The following RGS6 variants were observed in gnomAD, a reference collection of about 807,000 sequenced individuals.
RGS6 encodes the protein regulator of G protein signaling 6.
Under a neutral mutation model 78.5 loss-of-function variants are expected in RGS6, and 30 were observed. The observed-to-expected ratio is 0.38, with a 90% confidence interval of 0.29 to 0.52. The LOEUF (loss-of-function observed/expected upper bound fraction) is 0.52. RGS6 is among the 20% of genes least tolerant of loss of function. RGS6 has a pLI of 0.85. For missense variants in RGS6, 495 were observed against 609.7 expected (o/e 0.81, Z 1.98); for synonymous variants, 206 against 206.0 (o/e 1.00, Z 0.00).
the RGS6 span, among the ~76,000 whole-genome samples, chr14:72,608,978 TCTC>T: frequency 2.6e-5 from 4 of 152,352 alleles, no homozygotes; most frequent in East Asian, 5.8e-4. Context: ...CCCCACAGGA[TCTC>T]TACATTTGCA....
At chr14:72,344,411 T>C (rs140690337) in intron 2 of RGS6, among the ~76,000 whole-genome samples, 1 of 152,158 alleles carries the variant, frequency 6.6e-6, no homozygotes, top group Non-Finnish European at 1.5e-5. Context: ...CCTTGAACAT[T>C]GTTGCTAAGG....
chr14:71,895,235 A>G, the RGS6 span, among the ~76,000 whole-genome samples: 1 of 152,156 alleles, frequency 6.6e-6, no homozygotes, highest in South Asian at 2.1e-4. Context: ...CCAAACAGGA[A>G]TGCAGTGGCG....
the RGS6 span, among the ~76,000 whole-genome samples, chr14:71,878,151 C>A: frequency 6.6e-6 from 1 of 152,212 alleles, no homozygotes; most frequent in Non-Finnish European, 1.5e-5. Context: ...AGGAGGCAAT[C>A]TGTATGTTCT....
the RGS6 span, among the ~76,000 whole-genome samples, chr14:71,876,628 C>G: frequency 6.6e-6 from 1 of 151,472 alleles, no homozygotes. Context: ...ACTCTTTATC[C>G]GATTTGCCAG....
intron 2 of RGS6, among the ~76,000 whole-genome samples, chr14:72,117,181 G>A (rs1490781090): frequency 6.6e-6 from 1 of 152,080 alleles, no homozygotes; most frequent in African/African-American, 2.4e-5. Context: ...TAGCAAAAAG[G>A]CTGGGAGACT....
In RGS6 at chr14:71,989,802, C is replaced by T. The variant is rs529166328; in HGVS notation, c.84+24927C>T. Among the ~76,000 whole-genome samples the T allele has an allele frequency of 5.3e-5, 8 of 152,286 alleles. No individual in the cohort carries two copies. The South Asian group carries it at 1.7e-3, about 32-fold the overall frequency. On this transcript the variant is annotated intron_variant, in intron 2 of 17. Transcript: ENST00000553525. ...AACTGACCTCCAGAGACGAATTTCA[C>T]GTTGTAGATGGTTTTTTTTGTTGGC...
At chr14:71,923,568 G>T in the RGS6 span, among the ~76,000 whole-genome samples, 1 of 152,080 alleles carries the variant, frequency 6.6e-6, no homozygotes, top group Non-Finnish European at 1.5e-5. Context: ...TTTTTTTAAA[G>T]TTGTGATATA....
intron 2 of RGS6, among the ~76,000 whole-genome samples, chr14:72,083,713 C>T (rs2094915764): frequency 1.3e-5 from 2 of 152,132 alleles, no homozygotes; most frequent in Admixed American, 1.3e-4. Flanking sequence ...GTCTTCTTGC[C>T]TGTTAAACTT....
intron 2 of RGS6, among the ~76,000 whole-genome samples, chr14:72,178,293 A>G (rs1261246425): frequency 6.6e-6 from 1 of 152,224 alleles, no homozygotes; most frequent in Non-Finnish European, 1.5e-5. Flanking sequence ...TGGAGCCCAC[A>G]CTTGTGATAT....
At chr14:72,307,253 A>T (rs1006331669) in intron 2 of RGS6, among the ~76,000 whole-genome samples, 1 of 2,758 alleles carries the variant, frequency 3.6e-4, no homozygotes, top group African/African-American at 5.6e-3. Flanking sequence ...CTACAGTATA[A>T]ACATAATTTT....
At position 72,017,209 on chromosome 14, in the gene RGS6, A is replaced by AT. The variant is rs1256671917; in HGVS notation, c.84+52341dup. ...TCACCACCACATCCAGCTGATTTAA[A>AT]TTTTTTTATCCCACATTTTTTGTTG... On this transcript the variant is annotated intron_variant, in intron 2 of 17. Coordinates refer to ENST00000553525, the MANE Select transcript of RGS6 (RefSeq NM_001204424.2). Among the ~76,000 whole-genome samples, 6 of 151,742 alleles carry AT rather than the reference A, an allele frequency of 4.0e-5. No individual in the cohort carries two copies. The East Asian group carries it at 1.2e-3, about 29-fold the overall frequency.
chr14:72,361,488 A>G (rs2081448108), intron 3 of RGS6, among the ~76,000 whole-genome samples: 1 of 152,204 alleles, frequency 6.6e-6, no homozygotes, highest in African/African-American at 2.4e-5. Context: ...AATATAGTAG[A>G]TGGTGATTAG....
At chr14:72,261,141 C>A (rs1222205505) in intron 2 of RGS6, among the ~76,000 whole-genome samples, 1 of 152,170 alleles carries the variant, frequency 6.6e-6, no homozygotes, top group East Asian at 1.9e-4. Flanking sequence ...CTCTGAAGAA[C>A]CTACAAATGC....
intron 2 of RGS6, among the ~76,000 whole-genome samples, chr14:72,222,957 G>A (rs1279811328): frequency 6.6e-6 from 1 of 152,090 alleles, no homozygotes; most frequent in African/African-American, 2.4e-5. Flanking sequence ...ACTTTAAAAG[G>A]CCTTTCTTCG....
At chr14:71,946,760 G>A (rs1013457704) in intron 1 of RGS6, among the ~76,000 whole-genome samples, 1 of 152,110 alleles carries the variant, frequency 6.6e-6, no homozygotes. Context: ...AATTATACAG[G>A]TGATCAAATG....
intron 1 of RGS6, among the ~76,000 whole-genome samples, chr14:71,956,384 G>GTA (rs1308663767): frequency 2.0e-5 from 3 of 150,836 alleles, no homozygotes; most frequent in East Asian, 2.0e-4. Flanking sequence ...ATATACAATA[G>GTA]TATATATATA....
At chr14:72,094,046 GA>G (rs2095345208) in intron 2 of RGS6, among the ~76,000 whole-genome samples, 1 of 151,960 alleles carries the variant, frequency 6.6e-6, no homozygotes, top group Non-Finnish European at 1.5e-5. Context: ...TGTGTGCCAT[GA>G]AAAAAATATA....
intron 2 of RGS6, among the ~76,000 whole-genome samples, chr14:72,142,275 T>G (rs930519517): frequency 1.4e-4 from 22 of 152,078 alleles, no homozygotes; most frequent in Admixed American, 1.3e-3. Flanking sequence ...TTATACCACA[T>G]TTAAGAGGTT....
rs375037929 is a variant in RGS6, at chr14:72,023,882, G to A, written c.84+59007G>A. Among the ~76,000 whole-genome samples, 14 of 152,320 alleles carry A rather than the reference G, an allele frequency of 9.2e-5. No homozygotes were observed. The South Asian group carries it at 2.9e-3, about 32-fold the overall frequency. The stretch of plus-strand genomic sequence containing the variant: ...CAGGTAAGGGAGGGGATTTCACAGA[G>A]AGAGGGAGGTGGAACCGCAGAGGGC... On this transcript the variant is annotated intron_variant, in intron 2 of 17. Transcript: ENST00000553525.
Sources: gnomAD v4.1 joint callset for allele counts (sites outside exome capture counted in the v4.1 genomes callset) on GRCh38, gnomAD v4.1.1 for gene constraint, MANE v1.5 for transcripts, NCBI Gene and HGNC (gene_info 2026-07-23, HGNC 2026-07-21) for gene names.